ATP6V0D2: variants seen among roughly 807,000 people sequenced by gnomAD.
ATP6V0D2 encodes the protein V-type proton ATPase subunit d 2.
ATP6V0D2 carries 40 observed loss-of-function variants against 40.0 expected under a neutral mutation model. The ratio of observed to expected loss-of-function variants is 1.00; its 90% CI spans 0.78 to 1.30. The LOEUF (loss-of-function observed/expected upper bound fraction) is 1.30, where lower values mean the gene tolerates loss of function less well. Ranked by LOEUF, ATP6V0D2 falls within the 50% of genes most tolerant of loss-of-function variation. ATP6V0D2 has a pLI of 0.00. For synonymous variants in ATP6V0D2, 179 were observed against 156.3 expected (o/e 1.15, Z -1.08); for missense variants, 470 against 423.1 (o/e 1.11, Z -0.97).
intron 1 of ATP6V0D2, among the ~76,000 whole-genome samples, chr8:86,102,268 G>T (rs758519911): frequency 6.6e-6 from 1 of 152,158 alleles, no homozygotes; most frequent in Non-Finnish European, 1.5e-5. Context: ...TTCAACTGTT[G>T]CATCTGTGAA....
intron 4 of ATP6V0D2, 53 bp downstream of exon 4, chr8:86,141,582 C>T: frequency 7.8e-7 from 1 of 1,280,768 alleles, no homozygotes; most frequent in Admixed American, 2.1e-5. Flanking sequence ...TGTATTGTGA[C>T]TAGAGTTCTC....
Position 86,146,731 on chromosome 8 carries a change from T to C in ATP6V0D2, c.640-3381T>C, listed in dbSNP as rs538963289. 4.9e-4 allele frequency among the ~76,000 whole-genome samples: 74 copies of C among 152,264 alleles called. 1 individual carries two copies. The South Asian group carries it at 0.014, about 30-fold the overall frequency. On this transcript the variant is annotated intron_variant, in intron 5 of 7. Transcript: ENST00000285393. ...AAAAATCCATTGAACAGTTTTTATT[T>C]ATACAGAAATATCAGCTACACAGGG...
At chr8:86,143,441 G>T (rs1038224614) in intron 5 of ATP6V0D2, among the ~76,000 whole-genome samples, 1 of 152,192 alleles carries the variant, frequency 6.6e-6, no homozygotes, top group African/African-American at 2.4e-5. Context: ...AGGGCTGCTG[G>T]TTACCTATTT....
intron 2 of ATP6V0D2, among the ~76,000 whole-genome samples, chr8:86,137,365 T>C (rs1470185787): frequency 6.6e-6 from 1 of 152,144 alleles, no homozygotes; most frequent in Non-Finnish European, 1.5e-5. Context: ...CCCCATCTAG[T>C]CATCCCTCTG....
At position 86,099,101 on chromosome 8, in the gene ATP6V0D2, C is replaced by A; in HGVS notation, c.123C>A (p.Thr41=). 1 of 1,610,904 alleles carries A rather than the reference C, an allele frequency of 6.2e-7. No homozygotes were observed. Among genetic ancestry groups the A allele is most frequent in the Non-Finnish European group, 8.5e-7 (1 of 1,178,912 alleles). ...QDYINLVQCE[T]LEDLKIHLQT... Reference sequence around the variant, plus strand: ...ATATCAACCTGGTCCAGTGTGAGACCCTAGAAGGTAAGTGTAGCTCTTCTC... The same window carrying A: ...ATATCAACCTGGTCCAGTGTGAGACACTAGAAGGTAAGTGTAGCTCTTCTC... The change falls in exon 1 of 8, where the codon ACC becomes ACA. Residue 41 remains threonine (T), a synonymous_variant. Transcript: ENST00000285393.
chr8:86,127,103 G>T (rs1337590505), intron 2 of ATP6V0D2, among the ~76,000 whole-genome samples: 1 of 152,130 alleles, frequency 6.6e-6, no homozygotes. Context: ...ATTTAAAAAA[G>T]GGAAGCTTCA....
intron 5 of ATP6V0D2, among the ~76,000 whole-genome samples, chr8:86,143,577 A>G (rs540922848): frequency 7.7e-4 from 117 of 152,206 alleles, no homozygotes; most frequent in South Asian, 2.5e-3. Context: ...TGCTGGTGGG[A>G]GTGTAGCAGT....
At chr8:86,139,397 TGGGA>T in intron 2 of ATP6V0D2, 56 bp from the exon 3 acceptor site, 1 of 1,430,722 alleles carries the variant, frequency 7.0e-7, no homozygotes, top group Admixed American at 2.2e-5. Context: ...TTTTTACTTG[TGGGA>T]TGCTTCTTAT....
At chr8:86,148,446 G>T (rs1156579331) in intron 5 of ATP6V0D2, among the ~76,000 whole-genome samples, 6 of 152,184 alleles carry the variant, frequency 3.9e-5, no homozygotes, top group African/African-American at 1.2e-4. Flanking sequence ...AGTGAAATCT[G>T]TTGCAAGTTG....
intron 2 of ATP6V0D2, among the ~76,000 whole-genome samples, chr8:86,135,841 T>C (rs1049447375): frequency 3.3e-5 from 5 of 152,160 alleles, no homozygotes; most frequent in African/African-American, 9.7e-5. Context: ...CTGGTGTCTT[T>C]TTGTTCAAAA....
intron 2 of ATP6V0D2, among the ~76,000 whole-genome samples, chr8:86,120,546 C>T (rs1192332957): frequency 6.6e-6 from 1 of 152,100 alleles, no homozygotes; most frequent in African/African-American, 2.4e-5. Flanking sequence ...CACAGCAAGA[C>T]CCTGTCTCTT....
rs115698971 is a variant in ATP6V0D2, at chr8:86,105,324, G to T, written c.130+6216G>T. ...TTTTTTATTTTTATTTTTTAAGACG[G>T]TCTGGCTCTGACACCCAGGCTGGAG... is the stretch of plus-strand genomic sequence containing the variant. On this transcript the variant is annotated intron_variant, in intron 1 of 7. Coordinates refer to ENST00000285393, the MANE Select transcript of ATP6V0D2 (RefSeq NM_152565.1). Among the ~76,000 whole-genome samples, 1,497 of 152,022 alleles carry T rather than the reference G, an allele frequency of 9.8e-3. 24 individuals are homozygous for T. Among genetic ancestry groups the T allele is most frequent in the African/African-American group, 0.034 (1,407 of 41,462 alleles).
intron 2 of ATP6V0D2, among the ~76,000 whole-genome samples, chr8:86,119,369 C>T (rs1275930106): frequency 6.6e-6 from 1 of 151,592 alleles, no homozygotes; most frequent in African/African-American, 2.4e-5. Context: ...GCTGGGTCTA[C>T]AGGTGCACAC....
chr8:86,131,448 C>G (rs1221558509), intron 2 of ATP6V0D2, among the ~76,000 whole-genome samples: 2 of 151,982 alleles, frequency 1.3e-5, no homozygotes, highest in Non-Finnish European at 2.9e-5. Flanking sequence ...ATCTGCCCGC[C>G]TTAGCCTCCC....
chr8:86,150,128 G>C lies in ATP6V0D2; in HGVS notation c.656G>C (p.Arg219Pro). 3.1e-6 allele frequency: 5 copies of C among 1,612,482 alleles called. No individual in the cohort carries two copies. The highest frequency in any genetic ancestry group is 4.2e-6 in the Non-Finnish European group (5 of 1,179,372). Residue 219 changes from arginine to proline, a missense_variant, in exon 6 of 8, where the codon CGT (arginine) becomes CCT (proline). Transcript: ENST00000285393. ...CAAATTCAGTTTGAGGCCGACAGACGTGCTTTTATCATCACTCTTAACTCC... is the reference window on the plus strand; with the variant it reads ...CAAATTCAGTTTGAGGCCGACAGACCTGCTTTTATCATCACTCTTAACTCC... ...CPILEFEADRRAFIITLNSFG... is the reference protein window; with the variant it reads ...CPILEFEADRPAFIITLNSFG...
intron 2 of ATP6V0D2, among the ~76,000 whole-genome samples, chr8:86,133,863 C>A (rs190116403): frequency 2.0e-5 from 3 of 151,960 alleles, no homozygotes; most frequent in Admixed American, 6.6e-5. Context: ...TAATAAATCC[C>A]AGAAGGAGAG....
At chr8:86,099,139 G>GAA (rs11382900) in intron 1 of ATP6V0D2, 31 bp downstream of exon 1, 37,450 of 1,272,646 alleles carry the variant, frequency 0.029, 1 homozygote, top group East Asian at 0.034. Flanking sequence ...CCTTTAAAAA[G>GAA]AAAAAAAAAA....
chr8:86,099,335 T>G (rs889366652), intron 1 of ATP6V0D2, among the ~76,000 whole-genome samples: 1 of 152,144 alleles, frequency 6.6e-6, no homozygotes, highest in Admixed American at 6.5e-5. Flanking sequence ...TCATTACTAA[T>G]GTAGGCAACA....
chr8:86,145,295 A>G (rs1441826428), intron 5 of ATP6V0D2, among the ~76,000 whole-genome samples: 1 of 112,588 alleles, frequency 8.9e-6, no homozygotes, highest in African/African-American at 3.3e-5. Context: ...GAAAGAAAGA[A>G]AGAAAGAAAG....
Sources: gnomAD v4.1 joint callset for allele counts (sites outside exome capture counted in the v4.1 genomes callset) on GRCh38, gnomAD v4.1.1 for gene constraint, MANE v1.5 for transcripts, NCBI Gene and HGNC (gene_info 2026-07-23, HGNC 2026-07-21) for gene names.